Variants in PREX1 observed in about 807,000 individuals in gnomAD.
The protein encoded by PREX1 is phosphatidylinositol-3,4,5-trisphosphate dependent Rac exchange factor 1, also known as phosphatidylinositol 3,4,5-trisphosphate-dependent Rac exchanger 1 protein.
PREX1 carries 41 observed loss-of-function variants against 198.3 expected under a neutral mutation model. The ratio of observed to expected loss-of-function variants is 0.21; its 90% CI spans 0.16 to 0.27. The LOEUF (loss-of-function observed/expected upper bound fraction) is 0.27, where lower values mean the gene tolerates loss of function less well. Among genes scored for constraint, PREX1 ranks in the 10% least tolerant of loss-of-function variants. The pLI is 1.00. For synonymous variants in PREX1, 843 were observed against 887.2 expected, an observed-to-expected ratio of 0.95 and a Z score of 0.89; for missense variants, 1,620 against 2,200.7, an observed-to-expected ratio of 0.74 and a Z score of 5.28.
chr20:48,722,591 C>T (rs1408272554), intron 5 of PREX1, among the ~76,000 whole-genome samples: 1 of 152,176 alleles, frequency 6.6e-6, no homozygotes, highest in Non-Finnish European at 1.5e-5. Context: ...TAGATAAGGC[C>T]ACCACAGGAG....
At chr20:48,797,358 C>T (rs2090367738) in intron 1 of PREX1, among the ~76,000 whole-genome samples, 1 of 147,028 alleles carries the variant, frequency 6.8e-6, no homozygotes. Flanking sequence ...CCCCCCAGGA[C>T]ACTGAAGCCC....
chr20:48,788,028 C>T (rs986730487), intron 1 of PREX1, among the ~76,000 whole-genome samples: 3 of 152,184 alleles, frequency 2.0e-5, no homozygotes, highest in East Asian at 1.9e-4. Flanking sequence ...TCGAGATTAA[C>T]GCACCCAGGA....
At chr20:48,805,817 G>A (rs2090409395) in intron 1 of PREX1, among the ~76,000 whole-genome samples, 1 of 152,204 alleles carries the variant, frequency 6.6e-6, no homozygotes, top group African/African-American at 2.4e-5. Context: ...CCCAGCTCCA[G>A]TGCCAACTGA....
chr20:48,778,557 T>A (rs1397410372), intron 1 of PREX1, among the ~76,000 whole-genome samples: 1 of 151,642 alleles, frequency 6.6e-6, no homozygotes, highest in Non-Finnish European at 1.5e-5. Context: ...GCCACTGTAC[T>A]CCAGCCTGGG....
intron 1 of PREX1, among the ~76,000 whole-genome samples, chr20:48,810,450 G>A (rs1348531708): frequency 6.6e-6 from 1 of 151,878 alleles, no homozygotes; most frequent in Non-Finnish European, 1.5e-5. Context: ...TGGGCATGGT[G>A]ACACACACCT....
intron 1 of PREX1, among the ~76,000 whole-genome samples, chr20:48,782,762 T>A (rs1291770401): frequency 1.3e-5 from 2 of 152,078 alleles, no homozygotes; most frequent in Admixed American, 1.3e-4. Context: ...GAGGCCGGGC[T>A]GTGTTTAGAG....
chr20:48,793,234 A>C (rs748282569), intron 1 of PREX1, among the ~76,000 whole-genome samples: 6 of 152,188 alleles, frequency 3.9e-5, no homozygotes, highest in Non-Finnish European at 8.8e-5. Context: ...TACATACATA[A>C]ATAAGTAGAC....
intron 16 of PREX1, among the ~76,000 whole-genome samples, chr20:48,658,637 T>A (rs1244630040): frequency 6.6e-6 from 1 of 152,194 alleles, no homozygotes; most frequent in Non-Finnish European, 1.5e-5. Context: ...TTCTCATGGG[T>A]GCTGGAGACA....
the PREX1 span, among the ~76,000 whole-genome samples, chr20:48,882,291 A>C: frequency 6.6e-6 from 1 of 151,932 alleles, no homozygotes; most frequent in African/African-American, 2.4e-5. Flanking sequence ...TCACGAGGTC[A>C]GGAGATCAAG....
At chr20:48,862,842 G>A in the PREX1 span, among the ~76,000 whole-genome samples, 2 of 126,494 alleles carry the variant, frequency 1.6e-5, no homozygotes, top group Non-Finnish European at 3.2e-5. Context: ...TTTTTTTGGA[G>A]ACAGGGCCTC....
At chr20:48,768,766 C>A (rs1472795346) in intron 1 of PREX1, among the ~76,000 whole-genome samples, 1 of 150,912 alleles carries the variant, frequency 6.6e-6, no homozygotes, top group Non-Finnish European at 1.5e-5. Flanking sequence ...CAAAGCGAGA[C>A]TCTGCCTCAA....
chr20:48,716,146 T>C (rs1025612322), intron 5 of PREX1, among the ~76,000 whole-genome samples: 2 of 152,146 alleles, frequency 1.3e-5, no homozygotes, highest in African/African-American at 2.4e-5. Context: ...ACCAGCAGCA[T>C]TAGCCCCTCC....
the PREX1 span, among the ~76,000 whole-genome samples, chr20:48,852,026 G>T: frequency 2.6e-5 from 4 of 152,018 alleles, no homozygotes; most frequent in East Asian, 7.7e-4. Context: ...TAGCCCAAAC[G>T]TGTTTTGCTG....
At chr20:48,693,510 C>G (rs200575737) in intron 7 of PREX1, among the ~76,000 whole-genome samples, 1 of 152,228 alleles carries the variant, frequency 6.6e-6, no homozygotes, top group Admixed American at 6.5e-5. Flanking sequence ...AGCAGGCCCT[C>G]GCCAGCACCG....
intron 25 of PREX1, among the ~76,000 whole-genome samples, chr20:48,647,138 G>A (rs963493111): frequency 6.6e-6 from 1 of 152,216 alleles, no homozygotes; most frequent in Admixed American, 6.5e-5. Flanking sequence ...GCTGAGGCAG[G>A]AGGATCACTT....
At chr20:48,852,112 T>C in the PREX1 span, among the ~76,000 whole-genome samples, 10 of 152,062 alleles carry the variant, frequency 6.6e-5, 1 homozygote, top group African/African-American at 2.2e-4. Context: ...ACCAGTACTA[T>C]CTATCTGCCC....
At chr20:48,793,368 G>A (rs2090346928) in intron 1 of PREX1, among the ~76,000 whole-genome samples, 1 of 152,184 alleles carries the variant, frequency 6.6e-6, no homozygotes, top group Non-Finnish European at 1.5e-5. Flanking sequence ...ACAAGCTTCT[G>A]AATATACCAA....
At chr20:48,785,026 A>C (rs369238333) in intron 1 of PREX1, among the ~76,000 whole-genome samples, 2 of 151,310 alleles carry the variant, frequency 1.3e-5, no homozygotes, top group East Asian at 1.9e-4. Flanking sequence ...CGATTCTCCT[A>C]CCTAAGCCTC....
chr20:48,732,188 A>G (rs1250572729), intron 4 of PREX1, among the ~76,000 whole-genome samples: 1 of 152,272 alleles, frequency 6.6e-6, no homozygotes, highest in African/African-American at 2.4e-5. Context: ...GAAAAGCAAC[A>G]GTCCTGAAAG....
Sources: gnomAD v4.1 joint callset for allele counts (sites outside exome capture counted in the v4.1 genomes callset) on GRCh38, gnomAD v4.1.1 for gene constraint, MANE v1.5 for transcripts, NCBI Gene and HGNC (gene_info 2026-07-23, HGNC 2026-07-21) for gene names.